Variants in CHST5 observed in about 807,000 individuals in gnomAD.
The protein encoded by CHST5 is GST4-alpha.
For missense variants in CHST5, 637 were observed against 602.1 expected (o/e 1.06, Z -0.61); for synonymous variants, 313 against 279.2 (o/e 1.12, Z -1.21).
rs753635982 is a variant in CHST5, at chr16:75,529,745, C to T, written c.640G>A (p.Ala214Thr). ...QVLYPLLSDPALNLRIVHLVR... is the reference protein window; with the variant it reads ...QVLYPLLSDPTLNLRIVHLVR... ...AGGTGCACGATGCGCAGGTTGAGCG[C>T]GGGGTCGCTGAGCAGCGGGTAGAGC... Residue 214 changes from alanine to threonine, a missense_variant, in exon 4 of 4, where the codon GCG becomes ACG. Coordinates refer to ENST00000336257, the MANE Select transcript of CHST5 (RefSeq NM_024533.5). 3 of 1,613,272 alleles carry T rather than the reference C, an allele frequency of 1.9e-6. No individual in the cohort carries two copies. Among genetic ancestry groups the T allele is most frequent in the Non-Finnish European group, 8.5e-7 (1 of 1,179,810 alleles).
rs144283977 is a variant in CHST5, at chr16:75,534,385, G to A, written c.-1352+742C>T. Among the ~76,000 whole-genome samples, 490 of 152,138 alleles carry A rather than the reference G, an allele frequency of 3.2e-3. 2 individuals carry two copies. The highest frequency in any genetic ancestry group is 0.011 in the African/African-American group (467 of 41,514). Reference sequence around the variant, plus strand: ...ATTTGGGCCCAGTGCCATGGCTCACGCCTGTGATCCCAGCACTTTGGGAGC... The same window carrying A: ...ATTTGGGCCCAGTGCCATGGCTCACACCTGTGATCCCAGCACTTTGGGAGC... On this transcript the variant is annotated intron_variant, in intron 2 of 3. Coordinates refer to ENST00000336257, the MANE Select transcript of CHST5 (RefSeq NM_024533.5).
rs2080509708 is a variant in CHST5 at position 75,530,498 on chromosome 16, T to G, written c.-114A>C. On this transcript the variant is annotated 5_prime_UTR_variant, in exon 4 of 4. Coordinates refer to ENST00000336257, the MANE Select transcript of CHST5 (RefSeq NM_024533.5). The stretch of plus-strand genomic sequence containing the variant: ...TCTCAGTCGAGCACTTTCCCAGGAA[T>G]ACGGAGTCAAGACATAGGCCAGAAT... The G allele has an allele frequency of 6.9e-7, 1 of 1,449,124 alleles. No homozygotes were observed. Among genetic ancestry groups the G allele is most frequent in the Admixed American group, 2.9e-5 (1 of 34,898 alleles). 89.8% of individuals were successfully genotyped at this position (1,449,124 alleles called of 1,614,324 possible). A position where few individuals can be genotyped will look rare whatever the true frequency, so the allele number is the denominator to read the frequency against.
Position 75,531,423 on chromosome 16 carries a change from A to G in CHST5, c.-1039T>C, listed in dbSNP as rs2080521118. 8.5e-7 allele frequency: 1 copy of G among 1,173,938 alleles called. No homozygotes were observed. The highest frequency in any genetic ancestry group is 1.1e-6 in the Non-Finnish European group (1 of 923,430). 72.7% of individuals were successfully genotyped at this position (1,173,938 alleles called of 1,614,324 possible). A position where few individuals can be genotyped will look rare whatever the true frequency, so the allele number is the denominator to read the frequency against. ...GCAACTGTTGTCATCACTGGTGGGG[A>G]GTGAAGTGCTGTAGGCAGCATGGGC... On this transcript the variant is annotated 5_prime_UTR_variant, in exon 4 of 4. Transcript: ENST00000336257.
At position 75,529,486 on chromosome 16, in the gene CHST5, C is replaced by T. The variant is rs1361958917; in HGVS notation, c.899G>A (p.Arg300Gln). 2 of 1,611,730 alleles carry T rather than the reference C, an allele frequency of 1.2e-6. No homozygotes were observed. Among genetic ancestry groups the T allele is most frequent in the Non-Finnish European group, 1.7e-6 (2 of 1,179,782 alleles). The change falls in exon 4 of 4, where the codon CGG becomes CAG. Residue 300 changes from arginine (R) to glutamine (Q), a missense_variant. Transcript: ENST00000336257. ...YRLVRFEDLAREPLAEIRALY... is the reference protein window; with the variant it reads ...YRLVRFEDLAQEPLAEIRALY... ...TGCGCGGATCTCTGCCAGCGGCTCCCGCGCCAGGTCCTCGAAGCGCACCAG... is the reference window on the plus strand; with the variant it reads ...TGCGCGGATCTCTGCCAGCGGCTCCTGCGCCAGGTCCTCGAAGCGCACCAG...
intron 3 of CHST5, among the ~76,000 whole-genome samples, chr16:75,532,038 G>C (rs1349665090): frequency 2.0e-5 from 3 of 152,188 alleles, no homozygotes; most frequent in African/African-American, 7.2e-5. Flanking sequence ...TAACCTCTTA[G>C]AGCTGTTGTG....
chr16:75,531,689 C>T, intron 3 of CHST5, 49 bp from the exon 4 acceptor site: 1 of 1,260,168 alleles, frequency 7.9e-7, no homozygotes, highest in Non-Finnish European at 1.1e-6. Flanking sequence ...GAGAGACAGC[C>T]CTGTACATAG....
chr16:75,529,596 C>G lies in CHST5; in HGVS notation c.789G>C (p.Leu263=), dbSNP rs751044805. 5 of 1,610,408 alleles carry G rather than the reference C, an allele frequency of 3.1e-6. No homozygotes were observed. Among genetic ancestry groups the G allele is most frequent in the Admixed American group, 3.3e-5 (2 of 59,894 alleles). ...KWVEADPHLR[L]IREVCRSHVR... ...CGTGGCTGCGGCACACCTCGCGAATCAGGCGCAGGTGAGGGTCGGCCTCCA... is the reference window on the plus strand; with the variant it reads ...CGTGGCTGCGGCACACCTCGCGAATGAGGCGCAGGTGAGGGTCGGCCTCCA... Residue 263 remains leucine, a synonymous_variant, in exon 4 of 4, where the codon CTG becomes CTC. Transcript: ENST00000336257.
In CHST5 at chr16:75,529,207, G is replaced by T; in HGVS notation, c.1178C>A (p.Thr393Asn). The T allele has an allele frequency of 1.2e-6, 2 of 1,610,988 alleles. No individual in the cohort carries two copies. Among genetic ancestry groups the T allele is most frequent in the Non-Finnish European group, 1.7e-6 (2 of 1,178,506 alleles). ...GCCTCGTGGCAGCACCAGATCCAGG[G>T]TGAGGTCACGCTGCTGGTCCGCAGA... ...VYSADQQRDL[T>N]LDLVLPRGPD... Residue 393 changes from threonine to asparagine, a missense_variant, in exon 4 of 4, where the codon ACC becomes AAC. By Grantham distance (65) the Thr-to-Asn change is moderately conservative (BLOSUM62 0). Transcript: ENST00000336257.
Position 75,529,409 on chromosome 16 carries a change from G to A in CHST5, c.976C>T (p.His326Tyr), listed in dbSNP as rs772094644. 25 of 1,613,098 alleles carry A rather than the reference G, an allele frequency of 1.5e-5. No homozygotes were observed. In the South Asian group the frequency reaches 2.7e-4, roughly 18 times the overall value. The change falls in exon 4 of 4, where the codon CAC becomes TAC. Residue 326 changes from histidine to tyrosine, a missense_variant. Coordinates refer to ENST00000336257, the MANE Select transcript of CHST5 (RefSeq NM_024533.5). ...ATCCCCGACCCGTGGGTGATGTTGT[G>A]GATCCAGGCCTCGAGCTGTGGCGTG... ...TLTPQLEAWI[H>Y]NITHGSGIGK... is the part of the protein sequence containing the mutation.
rs1018143117 is a variant in CHST5 at position 75,528,705 on chromosome 16, G to A, written c.*444C>T. The A allele has an allele frequency of 1.2e-4, 19 of 158,784 alleles. No individual in the cohort carries two copies. Among genetic ancestry groups the A allele is most frequent in the Admixed American group, 6.0e-5 (1 of 16,734 alleles). The allele number at this position is 158,784 out of a possible 1,614,324, so 9.8% of individuals were successfully genotyped here. A position where few individuals can be genotyped will look rare whatever the true frequency, so the allele number is the denominator to read the frequency against. ...TGGGATTACAGGAGTGTGCCACCAC[G>A]CCGGACTAATTTTTGCATTTTTAGT... On this transcript the variant is annotated 3_prime_UTR_variant, in exon 4 of 4. Coordinates refer to ENST00000336257, the MANE Select transcript of CHST5 (RefSeq NM_024533.5).
Position 75,529,509 on chromosome 16 carries a change from C to G in CHST5, c.876G>C (p.Leu292=), listed in dbSNP as rs761230586. 1 of 1,610,760 alleles carries G rather than the reference C, an allele frequency of 6.2e-7. No homozygotes were observed. Among genetic ancestry groups the G allele is most frequent in the East Asian group, 2.2e-5 (1 of 44,880 alleles). The part of the protein sequence containing the change: ...PPPFLRGRYR[L]VRFEDLAREP... ...CCCGCGCCAGGTCCTCGAAGCGCAC[C>G]AGGCGGTAGCGGCCGCGCAGGAAGG... The change falls in exon 4 of 4, where the codon CTG becomes CTC. Residue 292 remains leucine, a synonymous_variant. Coordinates refer to ENST00000336257, the MANE Select transcript of CHST5 (RefSeq NM_024533.5).
rs1173881249 is a variant in CHST5, at chr16:75,529,583, A to C, written c.802T>G (p.Cys268Gly). The C allele has an allele frequency of 6.2e-7, 1 of 1,609,782 alleles. No homozygotes were observed. The highest frequency in any genetic ancestry group is 1.1e-5 in the South Asian group (1 of 90,972). The change falls in exon 4 of 4, where the codon TGC (cysteine) becomes GGC (glycine). Residue 268 changes from cysteine to glycine, a missense_variant. Transcript: ENST00000336257. ...TCGGCGATGCGCACGTGGCTGCGGC[A>C]CACCTCGCGAATCAGGCGCAGGTGA... The part of the protein sequence containing the change: ...DPHLRLIREV[C>G]RSHVRIAEAA...
At chr16:75,532,383 AATG>A (rs1473255283) in intron 3 of CHST5, among the ~76,000 whole-genome samples, 1 of 152,200 alleles carries the variant, frequency 6.6e-6, no homozygotes, top group Non-Finnish European at 1.5e-5. Flanking sequence ...TTGCATCTGC[AATG>A]ATCTCAAGGC....
At position 75,529,038 on chromosome 16, in the gene CHST5, G is replaced by A. The variant is rs2080486157; in HGVS notation, c.*111C>T. The A allele has an allele frequency of 1.6e-6, 2 of 1,217,024 alleles. No individual in the cohort carries two copies. Among genetic ancestry groups the A allele is most frequent in the East Asian group, 2.6e-5 (1 of 39,054 alleles). The allele number at this position is 1,217,024 out of a possible 1,614,324, so 75.4% of individuals were successfully genotyped here. A position where few individuals can be genotyped will look rare whatever the true frequency, so the allele number is the denominator to read the frequency against. On this transcript the variant is annotated 3_prime_UTR_variant, in exon 4 of 4. Transcript: ENST00000336257. The stretch of plus-strand genomic sequence containing the variant: ...CTTCAGGGGAGGACCCCAAACTCCC[G>A]GTTGATAGTAGGGACCTGCTTCCCC...
intron 2 of CHST5, among the ~76,000 whole-genome samples, chr16:75,533,986 C>T (rs1489625442): frequency 1.4e-5 from 2 of 141,078 alleles, no homozygotes; most frequent in Non-Finnish European, 3.0e-5. Context: ...TTACAGTGGC[C>T]GAGATTGTGC....
chr16:75,532,571 G>A (rs2080532757), intron 3 of CHST5, among the ~76,000 whole-genome samples: 1 of 152,126 alleles, frequency 6.6e-6, no homozygotes, highest in African/African-American at 2.4e-5. Context: ...AGTGAGCGGA[G>A]GATGCCCAAC....
At chr16:75,534,038 CAAAAAAAAAAA>C (rs35062691) in intron 2 of CHST5, among the ~76,000 whole-genome samples, 1 of 81,252 alleles carries the variant, frequency 1.2e-5, no homozygotes, top group South Asian at 3.9e-4. Flanking sequence ...AACTCCATAT[CAAAAAAAAAAA>C]AAAAAAAAAA....
chr16:75,534,848 T>C lies in CHST5; in HGVS notation c.-1352+279A>G, dbSNP rs115692226. On this transcript the variant is annotated intron_variant, in intron 2 of 3. Coordinates refer to ENST00000336257, the MANE Select transcript of CHST5 (RefSeq NM_024533.5). ...GGAGAGCTTTTGAAAGCCACACCCTTTGAGACCCAAGTATGGAATAAGAAC... is the reference window on the plus strand; with the variant it reads ...GGAGAGCTTTTGAAAGCCACACCCTCTGAGACCCAAGTATGGAATAAGAAC... 3.1e-3 allele frequency among the ~76,000 whole-genome samples: 471 copies of C among 152,254 alleles called. 4 individuals carry two copies. Among genetic ancestry groups the C allele is most frequent in the African/African-American group, 0.011 (453 of 41,536 alleles).
At chr16:75,535,925 G>A (rs1178011218) in intron 1 of CHST5, among the ~76,000 whole-genome samples, 119 bp downstream of exon 1, 1 of 152,230 alleles carries the variant, frequency 6.6e-6, no homozygotes, top group Non-Finnish European at 1.5e-5. Flanking sequence ...CCCTAGTGAA[G>A]GAAGTCGAAT....
Sources: allele counts gnomAD v4.1 joint callset (sites outside exome capture counted in the v4.1 genomes callset), GRCh38; gene constraint gnomAD v4.1.1; transcripts MANE v1.5; gene names NCBI Gene and HGNC (gene_info 2026-07-23, HGNC 2026-07-21).